The following PTPRD variants were observed in gnomAD, a reference collection of about 807,000 sequenced individuals.
PTPRD encodes protein tyrosine phosphatase receptor type D.
PTPRD carries 34 observed loss-of-function variants against 214.5 expected under a neutral mutation model. The observed-to-expected ratio is 0.16, with a 90% CI of 0.12 to 0.21. The LOEUF is 0.21. Among genes scored for constraint, PTPRD ranks in the 10% least tolerant of loss-of-function variants. The probability of loss-of-function intolerance (pLI) is 1.00; values close to 1 mark genes in which losing one functional copy is unlikely to be tolerated. For synonymous variants in PTPRD, 1,128 were observed against 845.7 expected (o/e 1.33, Z -5.79); for missense variants, 2,545 against 2,398.7 (o/e 1.06, Z -1.27).
At chr9:8,688,436 G>A (rs559638250) in intron 12 of PTPRD, among the ~76,000 whole-genome samples, 1 of 151,848 alleles carries the variant, frequency 6.6e-6, no homozygotes, top group Non-Finnish European at 1.5e-5. Context: ...GTGGTGGTGG[G>A]CGCCTGTAGT....
rs575012349 is a variant in PTPRD, at chr9:9,294,537, G to T, written c.-203+102912C>A. ...ATTAAGGTTAAATGAGTTCCTAAGG[G>T]TGGGGATTTGACAGATTAGTGTTCT... On this transcript the variant is annotated intron_variant, in intron 9 of 45. Transcript: ENST00000381196. Among the ~76,000 whole-genome samples, 3 of 151,774 alleles carry T rather than the reference G, an allele frequency of 2.0e-5. No homozygotes were observed. The South Asian group carries it at 6.2e-4, about 31-fold the overall frequency.
At chr9:9,843,898 T>C (rs2058888690) in intron 5 of PTPRD, among the ~76,000 whole-genome samples, 1 of 152,018 alleles carries the variant, frequency 6.6e-6, no homozygotes, top group Admixed American at 6.6e-5. Context: ...GAATAGACCA[T>C]GACAACATGG....
intron 7 of PTPRD, among the ~76,000 whole-genome samples, chr9:9,634,072 T>C (rs994858010): frequency 2.6e-5 from 4 of 152,150 alleles, no homozygotes; most frequent in African/African-American, 9.6e-5. Flanking sequence ...TTAAAAATGG[T>C]ATATAATACC....
intron 6 of PTPRD, among the ~76,000 whole-genome samples, chr9:9,759,794 T>C (rs528817218): frequency 1.6e-4 from 24 of 152,122 alleles, no homozygotes; most frequent in African/African-American, 5.8e-4. Context: ...CCTCACCTTG[T>C]GATTCCCCTG....
In PTPRD at chr9:9,354,724, G is replaced by C. The variant is rs532183664; in HGVS notation, c.-203+42725C>G. 3.3e-5 allele frequency among the ~76,000 whole-genome samples: 5 copies of C among 151,950 alleles called. No homozygotes were observed. In the South Asian group the frequency reaches 1.0e-3, roughly 31 times the overall value. On this transcript the variant is annotated intron_variant, in intron 9 of 45. Coordinates refer to ENST00000381196, the MANE Select transcript of PTPRD (RefSeq NM_002839.4). ...GGTATCAGGGTAAGAAGGATTTGAAGTATCAGCAAGGGATTAGGTAAGTAA... is the reference window on the plus strand; with the variant it reads ...GGTATCAGGGTAAGAAGGATTTGAACTATCAGCAAGGGATTAGGTAAGTAA...
intron 12 of PTPRD, among the ~76,000 whole-genome samples, chr9:8,652,714 C>G (rs1291225182): frequency 6.6e-6 from 1 of 152,144 alleles, no homozygotes; most frequent in African/African-American, 2.4e-5. Flanking sequence ...ATCCCAAGTA[C>G]TTGAGTGTTA....
intron 11 of PTPRD, among the ~76,000 whole-genome samples, chr9:8,754,237 C>T (rs1294922512): frequency 3.9e-5 from 6 of 152,144 alleles, no homozygotes; most frequent in Non-Finnish European, 5.9e-5. Context: ...GCATACTATT[C>T]TTGTGAAATA....
chr9:10,164,047 A>G (rs895691585), intron 3 of PTPRD, among the ~76,000 whole-genome samples: 2 of 151,520 alleles, frequency 1.3e-5, no homozygotes, highest in Non-Finnish European at 3.0e-5. Context: ...GAAGCACAGG[A>G]TAGAAGAATA....
chr9:10,292,723 T>C (rs2095563318), intron 3 of PTPRD, among the ~76,000 whole-genome samples: 1 of 151,904 alleles, frequency 6.6e-6, no homozygotes, highest in South Asian at 2.1e-4. Flanking sequence ...ACTAATTAAT[T>C]TATTTAACTT....
intron 14 of PTPRD, among the ~76,000 whole-genome samples, chr9:8,596,990 C>T (rs548625194): frequency 3.9e-5 from 6 of 152,190 alleles, no homozygotes; most frequent in African/African-American, 1.4e-4. Flanking sequence ...ACAGAAACAG[C>T]TTGCAGAGAT....
At chr9:9,249,340 G>A (rs1470825654) in intron 9 of PTPRD, among the ~76,000 whole-genome samples, 1 of 152,034 alleles carries the variant, frequency 6.6e-6, no homozygotes, top group Admixed American at 6.6e-5. Context: ...GAAGAACCAT[G>A]AGACAAATAA....
At chr9:10,016,239 C>A (rs185303114) in intron 4 of PTPRD, among the ~76,000 whole-genome samples, 204 of 152,200 alleles carry the variant, frequency 1.3e-3, no homozygotes, top group African/African-American at 4.7e-3. Flanking sequence ...TTGCTAATGA[C>A]ATTGTTTTCT....
chr9:9,372,815 C>G (rs1425156249), intron 9 of PTPRD, among the ~76,000 whole-genome samples: 4 of 152,008 alleles, frequency 2.6e-5, no homozygotes, highest in African/African-American at 9.7e-5. Context: ...CTGGTGGTGA[C>G]AAAATCTCTC....
intron 2 of PTPRD, among the ~76,000 whole-genome samples, chr9:10,358,245 GA>G (rs1457180674): frequency 6.6e-6 from 1 of 151,994 alleles, no homozygotes; most frequent in Non-Finnish European, 1.5e-5. Flanking sequence ...TTCATCAAAA[GA>G]TAATACTTTT....
intron 5 of PTPRD, among the ~76,000 whole-genome samples, chr9:9,835,317 A>G (rs1258072610): frequency 1.3e-5 from 2 of 152,088 alleles, no homozygotes; most frequent in Non-Finnish European, 2.9e-5. Context: ...TTTGGATTCA[A>G]TAAACAGTAC....
intron 5 of PTPRD, among the ~76,000 whole-genome samples, chr9:9,937,967 G>A (rs1309600615): frequency 6.6e-6 from 1 of 152,144 alleles, no homozygotes; most frequent in Non-Finnish European, 1.5e-5. Context: ...TGGAATTGGA[G>A]GCAGAGATCT....
chr9:9,382,489 A>G (rs1229167943), intron 9 of PTPRD, among the ~76,000 whole-genome samples: 1 of 152,178 alleles, frequency 6.6e-6, no homozygotes, highest in Non-Finnish European at 1.5e-5. Flanking sequence ...GCAAAAACAC[A>G]AATAACCCAA....
At chr9:10,056,703 T>C (rs2097656823) in intron 3 of PTPRD, among the ~76,000 whole-genome samples, 1 of 152,006 alleles carries the variant, frequency 6.6e-6, no homozygotes, top group East Asian at 2.0e-4. Context: ...ATAATATTGA[T>C]CCAAAAACAA....
chr9:10,059,175 G>T (rs2097711493), intron 3 of PTPRD, among the ~76,000 whole-genome samples: 1 of 152,032 alleles, frequency 6.6e-6, no homozygotes, highest in African/African-American at 2.4e-5. Flanking sequence ...GATTATTTTA[G>T]TGCCAGCTGA....
Sources: allele counts gnomAD v4.1 joint callset (sites outside exome capture counted in the v4.1 genomes callset), GRCh38; gene constraint gnomAD v4.1.1; transcripts MANE v1.5; gene names NCBI Gene and HGNC (gene_info 2026-07-23, HGNC 2026-07-21).